Variants in TLN1 observed in about 807,000 individuals in gnomAD.
TLN1 encodes the protein talin-1.
In TLN1, 56 loss-of-function variants were observed where a neutral mutation model predicts 292.3. The observed-to-expected ratio is 0.19, with a 90% CI of 0.15 to 0.24. TLN1 has a LOEUF of 0.24. Among genes scored for constraint, TLN1 ranks in the 10% least tolerant of loss-of-function variants. The probability of loss-of-function intolerance (pLI) is 1.00; values close to 1 mark genes in which losing one functional copy is unlikely to be tolerated. For synonymous variants in TLN1, 1,119 were observed against 1,253.7 expected (o/e 0.89, Z 2.27); for missense variants, 2,433 against 3,248.2 (o/e 0.75, Z 6.10).
intron 1 of TLN1, among the ~76,000 whole-genome samples, chr9:35,728,380 A>G (rs1032411161): frequency 2.0e-5 from 3 of 152,122 alleles, no homozygotes; most frequent in African/African-American, 4.8e-5. Flanking sequence ...TGAGTCCGCA[A>G]CCGCTGGCAG....
Position 35,719,634 on chromosome 9 carries a change from G to C in TLN1, c.1579-7C>G. The C allele has an allele frequency of 6.2e-7, 1 of 1,613,972 alleles. No homozygotes were observed. Among genetic ancestry groups the C allele is most frequent in the South Asian group, 1.1e-5 (1 of 91,074 alleles). ...TACGCCAGGCCTTAGAGGCCTGAAAGAGAGAGGAAAAGCCTTCAGGATCTG... is the reference window on the plus strand; with the variant it reads ...TACGCCAGGCCTTAGAGGCCTGAAACAGAGAGGAAAAGCCTTCAGGATCTG... On this transcript the variant is annotated splice_region_variant and splice_polypyrimidine_tract_variant and intron_variant, in intron 14 of 56. Coordinates refer to ENST00000314888, the MANE Select transcript of TLN1 (RefSeq NM_006289.4). This position sits in a 1 kb window ranked among gnomAD's most constrained non-coding sequence, Gnocchi z 4.6.
Position 35,706,405 on chromosome 9 carries a change from C to G in TLN1, c.5191-39G>C, listed in dbSNP as rs1825566308. ...TTGGACTAGGGGTCAGGTCCCCTCT[C>G]TCTCACCCTACTCCCTGGGACTTCC... is the stretch of plus-strand genomic sequence containing the variant. On this transcript the variant is annotated intron_variant, in intron 39 of 56. Transcript: ENST00000314888. The surrounding 1 kb of genome is among the most constrained non-coding windows in gnomAD (Gnocchi z 4.2). The G allele has an allele frequency of 6.2e-7, 1 of 1,613,422 alleles. No individual in the cohort carries two copies.
intron 48 of TLN1, among the ~76,000 whole-genome samples, chr9:35,701,720 A>G (rs1197853540): frequency 2.0e-5 from 3 of 152,222 alleles, no homozygotes; most frequent in African/African-American, 7.2e-5. Flanking sequence ...TGGTAGTGGT[A>G]GGAGATAAAA....
rs778357101 is a variant in TLN1, at chr9:35,725,082, C to T, written c.229-123G>A. On this transcript the variant is annotated intron_variant, in intron 3 of 56. Transcript: ENST00000314888. ...AAGACTATGGTGGTTCGTTCAAAAG[C>T]AGGGAATTATGACTGTCTGTTAATA... 5 of 1,554,724 alleles carry T rather than the reference C, an allele frequency of 3.2e-6. No homozygotes were observed. In the Admixed American group the frequency reaches 5.3e-5, roughly 16 times the overall value.
chr9:35,709,532 GA>G (rs1283945503), intron 33 of TLN1, among the ~76,000 whole-genome samples: 1 of 152,156 alleles, frequency 6.6e-6, no homozygotes, highest in Admixed American at 6.5e-5. Flanking sequence ...GATAATGTGG[GA>G]AAAGGCAAAG....
intron 43 of TLN1, among the ~76,000 whole-genome samples, chr9:35,705,255 A>G (rs1172540889): frequency 6.6e-6 from 1 of 152,228 alleles, no homozygotes; most frequent in Non-Finnish European, 1.5e-5. Context: ...AAGAAAGAAC[A>G]AGAACATGGA....
chr9:35,730,331 T>C (rs1826051520), intron 1 of TLN1, among the ~76,000 whole-genome samples: 1 of 151,888 alleles, frequency 6.6e-6, no homozygotes, highest in Non-Finnish European at 1.5e-5. Flanking sequence ...AGGGTCAGGC[T>C]GGGAGTGAAG....
chr9:35,727,186 A>C (rs903511186), intron 1 of TLN1, among the ~76,000 whole-genome samples: 1 of 152,200 alleles, frequency 6.6e-6, no homozygotes, highest in Non-Finnish European at 1.5e-5. Flanking sequence ...AACTAAGAGA[A>C]TGGGCAAATA....
rs200231216 is a variant in TLN1, at chr9:35,713,168, C to T, written c.3352+28G>A. 3.1e-5 allele frequency: 49 copies of T among 1,584,168 alleles called. 1 individual carries two copies. The Admixed American group carries it at 7.8e-4, about 25-fold the overall frequency. On this transcript the variant is annotated intron_variant, in intron 26 of 56. Coordinates refer to ENST00000314888, the MANE Select transcript of TLN1 (RefSeq NM_006289.4). ...ATTTTCCTACCTCCCTCACAATATG[C>T]CCCATGCCTGGCTCTCTGCCCACAT... is the stretch of plus-strand genomic sequence containing the variant.
In TLN1 at chr9:35,707,473, A is replaced by T. The variant is rs781212644; in HGVS notation, c.4648T>A (p.Phe1550Ile). 5 of 1,614,134 alleles carry T rather than the reference A, an allele frequency of 3.1e-6. No individual in the cohort carries two copies. In the Admixed American group the frequency reaches 8.3e-5, roughly 27 times the overall value. Residue 1550 changes from phenylalanine to isoleucine, a missense_variant, in exon 36 of 57, where the codon TTC (phenylalanine) becomes ATC (isoleucine). Phe to Ile is a conservative substitution (Grantham distance 21, BLOSUM62 0). Around this residue, in one of 7 missense-constraint regions of TLN1, gnomAD observed 1,384 missense variants for 1,699.6 expected, o/e 0.81. Transcript: ENST00000314888. The surrounding 1 kb of genome is among the most constrained non-coding windows in gnomAD (Gnocchi z 5.6). Reference protein sequence around the residue: ...VKTIKALDGAFTEENRAQCRA... With the variant: ...VKTIKALDGAITEENRAQCRA... ...CACTGGGCACGGTTCTCCTCTGTGA[A>T]GGCCCCATCTAGCGCCTAGAAGTGA...
rs929487866 is a variant in TLN1 at position 35,707,671 on chromosome 9, G to C, written c.4632+60C>G. On this transcript the variant is annotated intron_variant, in intron 35 of 56. Coordinates refer to ENST00000314888, the MANE Select transcript of TLN1 (RefSeq NM_006289.4). This position sits in a 1 kb window ranked among gnomAD's most constrained non-coding sequence, Gnocchi z 5.6. The stretch of plus-strand genomic sequence containing the variant: ...TAGAAGGCTTCAGAGAATAACTGGG[G>C]GACTCGGGGGAGAAGATAGGACAGG... 3 of 1,607,844 alleles carry C rather than the reference G, an allele frequency of 1.9e-6. No homozygotes were observed. In the African/African-American group the frequency reaches 4.0e-5, roughly 21 times the overall value.
intron 33 of TLN1, among the ~76,000 whole-genome samples, chr9:35,709,885 T>TC (rs1825631443): frequency 2.5e-5 from 1 of 40,782 alleles, no homozygotes; most frequent in Non-Finnish European, 3.9e-5. Flanking sequence ...AAACTCGGTC[T>TC]CAAAAAAAAA....
At chr9:35,700,122 C>T in intron 49 of TLN1, 41 bp from the exon 50 acceptor site, 1 of 1,595,012 alleles carries the variant, frequency 6.3e-7, no homozygotes, top group Non-Finnish European at 8.6e-7. Context: ...CCCCGCAGAT[C>T]CCTACAGTTT....
Position 35,717,382 on chromosome 9 carries a change from C to T in TLN1, c.2222G>A (p.Arg741Gln), listed in dbSNP as rs769907194. Residue 741 changes from arginine (R) to glutamine (Q), a missense_variant, in exon 19 of 57, where the codon CGA becomes CAA. Transcript: ENST00000314888. This position sits in a 1 kb window ranked among gnomAD's most constrained non-coding sequence, Gnocchi z 4.7. ...GCCCTCCACGGCTTTGGCTACCAGT[C>T]GTCCAGCCTCCACCAGTTGCTCTTG... ...VCQEQLVEAG[R>Q]LVAKAVEGCV... 6.2e-6 allele frequency: 10 copies of T among 1,614,164 alleles called. No homozygotes were observed. Among genetic ancestry groups the T allele is most frequent in the Non-Finnish European group, 8.5e-6 (10 of 1,180,032 alleles).
chr9:35,698,337 T>C lies in TLN1; in HGVS notation c.7357A>G (p.Met2453Val). 3 of 1,614,126 alleles carry C rather than the reference T, an allele frequency of 1.9e-6. No individual in the cohort carries two copies. Among genetic ancestry groups the C allele is most frequent in the Non-Finnish European group, 2.5e-6 (3 of 1,179,976 alleles). Residue 2453 changes from methionine (M) to valine (V), a missense_variant, in exon 55 of 57, where the codon ATG becomes GTG. Met to Val is a conservative substitution (Grantham distance 21). Transcript: ENST00000314888. The surrounding 1 kb of genome is among the most constrained non-coding windows in gnomAD (Gnocchi z 5.3). Reference sequence around the variant, plus strand: ...AGGGTTCTCACCTGAAGTCGTTTCATTGCCTCCGAGTCCTGGTCAGCCTTG... The same window carrying C: ...AGGGTTCTCACCTGAAGTCGTTTCACTGCCTCCGAGTCCTGGTCAGCCTTG... ...KVKADQDSEA[M>V]KRLQAAGNAV...
At chr9:35,701,368 C>T (rs185966099) in intron 48 of TLN1, among the ~76,000 whole-genome samples, 1 of 152,286 alleles carries the variant, frequency 6.6e-6, no homozygotes, top group East Asian at 1.9e-4. Context: ...ACTTGAACCC[C>T]TGGGCTCAAG....
At chr9:35,731,998 G>C (rs1249329823) in intron 1 of TLN1, 77 bp downstream of exon 1, 2 of 152,630 alleles carry the variant, frequency 1.3e-5, no homozygotes, top group Non-Finnish European at 2.9e-5. Context: ...ACACGCAAGA[G>C]AGGCAGGGCC....
At position 35,725,012 on chromosome 9, in the gene TLN1, T is replaced by C. The variant is rs1198235136; in HGVS notation, c.229-53A>G. ...GCCTACTCTGAGCTAGGGGTATTATTTCCTCTTTACACAGCCCGAGGGGAG... is the reference window on the plus strand; with the variant it reads ...GCCTACTCTGAGCTAGGGGTATTATCTCCTCTTTACACAGCCCGAGGGGAG... On this transcript the variant is annotated intron_variant, in intron 3 of 56. Transcript: ENST00000314888. The C allele has an allele frequency of 1.9e-6, 3 of 1,611,806 alleles. No homozygotes were observed. The East Asian group carries it at 6.7e-5, about 36-fold the overall frequency.
intron 3 of TLN1, 24 bp downstream of exon 3, chr9:35,725,200 G>A: frequency 6.2e-7 from 1 of 1,611,364 alleles, no homozygotes; most frequent in South Asian, 1.1e-5. Context: ...GGGATGTGGT[G>A]GTCCTTGATG....
Sources: gnomAD v4.1 joint callset for allele counts (sites outside exome capture counted in the v4.1 genomes callset) on GRCh38, gnomAD v4.1.1 for gene constraint, gnomAD v4.1.1 regional missense constraint, Gnocchi (gnomAD v3.1) non-coding constraint, MANE v1.5 for transcripts, NCBI Gene and HGNC (gene_info 2026-07-23, HGNC 2026-07-21) for gene names.